Variants in COL11A1 observed in about 807,000 individuals in gnomAD.
COL11A1 encodes collagen type XI alpha 1 chain.
COL11A1 carries 74 observed loss-of-function variants against 265.2 expected under a neutral mutation model. The observed-to-expected ratio is 0.28, with a 90% CI of 0.23 to 0.34. The LOEUF is 0.34. COL11A1 is among the 10% of genes least tolerant of loss of function. The pLI, the probability that COL11A1 is intolerant of heterozygous loss-of-function variation, is 1.00. For missense variants in COL11A1, 2,165 were observed against 2,263.6 expected (o/e 0.96, Z 0.88); for synonymous variants, 816 against 727.6 (o/e 1.12, Z -1.96).
Position 103,074,799 on chromosome 1 carries a change from T to C in COL11A1, c.489-19A>G, listed in dbSNP as rs765295260. 3.7e-6 allele frequency: 6 copies of C among 1,612,548 alleles called. No homozygotes were observed. The South Asian group carries it at 5.5e-5, about 15-fold the overall frequency. The stretch of plus-strand genomic sequence containing the variant: ...ATGCCACCTAAAAAAGACAAGTAAT[T>C]CTTTTGTAAGCTTCAAAGAAACAGT... On this transcript the variant is annotated intron_variant, in intron 3 of 66. Coordinates refer to ENST00000370096, the MANE Select transcript of COL11A1 (RefSeq NM_001854.4).
At chr1:103,079,099 CAAT>C (rs1292522911) in intron 2 of COL11A1, among the ~76,000 whole-genome samples, 1 of 152,072 alleles carries the variant, frequency 6.6e-6, no homozygotes, top group Non-Finnish European at 1.5e-5. Context: ...ACTTAAAGCA[CAAT>C]GTTTATGTGA....
At chr1:103,023,859 G>A (rs1571071671) in intron 7 of COL11A1, among the ~76,000 whole-genome samples, 1 of 151,872 alleles carries the variant, frequency 6.6e-6, no homozygotes, top group African/African-American at 2.4e-5. Context: ...GTTCTTTAAA[G>A]CAAATAAAAT....
intron 4 of COL11A1, among the ~76,000 whole-genome samples, chr1:103,034,749 A>C (rs1476018846): frequency 6.8e-6 from 1 of 147,106 alleles, no homozygotes; most frequent in Non-Finnish European, 1.5e-5. Flanking sequence ...ATGGCACTTA[A>C]TTTTCATTTT....
chr1:103,005,714 G>A (rs1004383860), intron 18 of COL11A1, 124 bp downstream of exon 18: 22 of 1,086,052 alleles, frequency 2.0e-5, no homozygotes, highest in Non-Finnish European at 2.9e-5. Flanking sequence ...GTATCTATTA[G>A]ATTATTAAGT....
At chr1:103,101,045 C>T (rs988919630) in intron 1 of COL11A1, among the ~76,000 whole-genome samples, 11 of 151,790 alleles carry the variant, frequency 7.2e-5, no homozygotes, top group South Asian at 2.1e-4. Flanking sequence ...ACTTAAATTT[C>T]GAAGTATAAA....
chr1:102,891,429 G>T (rs972586103), intron 57 of COL11A1, among the ~76,000 whole-genome samples: 1 of 151,478 alleles, frequency 6.6e-6, no homozygotes, highest in Non-Finnish European at 1.5e-5. Flanking sequence ...ATAATTTAAC[G>T]TTTTTAATAG....
intron 13 of COL11A1, among the ~76,000 whole-genome samples, 182 bp downstream of exon 13, chr1:103,014,329 T>C (rs575867672): frequency 6.0e-4 from 91 of 152,278 alleles, no homozygotes; most frequent in African/African-American, 2.0e-3. Flanking sequence ...ACTATAATTT[T>C]CAATTAATAA....
At chr1:102,926,957 C>T (rs545278247) in intron 46 of COL11A1, among the ~76,000 whole-genome samples, 2 of 152,018 alleles carry the variant, frequency 1.3e-5, no homozygotes, top group South Asian at 4.2e-4. Flanking sequence ...TTGCACTCTC[C>T]AAGTTTAAAA....
In COL11A1 at chr1:102,998,347, G is replaced by C; in HGVS notation, c.2159C>G (p.Pro720Arg). The C allele has an allele frequency of 6.2e-7, 1 of 1,603,308 alleles. No individual in the cohort carries two copies. Residue 720 changes from proline (P) to arginine (R), a missense_variant, in exon 25 of 67, where the codon CCA (proline) becomes CGA (arginine). Physicochemically the swap from Pro to Arg is moderately radical, Grantham distance 103 (BLOSUM62 -2). Transcript: ENST00000370096. The stretch of plus-strand genomic sequence containing the variant: ...AGCACCAGGAAGTCCAGCAAGTCCT[G>C]GTTTTCCTTGTGGTCCCTTATAGAG... ...PPGEKGPQGK[P>R]GLAGLPGADG...
chr1:103,013,446 G>T (rs539697248), intron 13 of COL11A1, among the ~76,000 whole-genome samples: 4 of 151,646 alleles, frequency 2.6e-5, no homozygotes, highest in Non-Finnish European at 4.4e-5. Flanking sequence ...CCTTAAAATC[G>T]TTCAAAAGAA....
chr1:103,001,450 G>C, intron 24 of COL11A1: 1 of 412,064 alleles, frequency 2.4e-6, no homozygotes, highest in Non-Finnish European at 4.3e-6. Flanking sequence ...TTTAATTATA[G>C]ATTTATTCTT....
chr1:102,926,137 T>C (rs1408730742), intron 46 of COL11A1, among the ~76,000 whole-genome samples: 1 of 152,138 alleles, frequency 6.6e-6, no homozygotes, highest in Non-Finnish European at 1.5e-5. Flanking sequence ...AAAATTATTA[T>C]TATTACAATT....
At chr1:103,077,016 A>G (rs1455017924) in intron 3 of COL11A1, among the ~76,000 whole-genome samples, 2 of 152,114 alleles carry the variant, frequency 1.3e-5, no homozygotes, top group Non-Finnish European at 2.9e-5. Flanking sequence ...AACTGTCTCA[A>G]GTAAAAGTAT....
chr1:102,990,424 T>C (rs773745984), intron 28 of COL11A1, among the ~76,000 whole-genome samples: 56 of 152,044 alleles, frequency 3.7e-4, no homozygotes, highest in South Asian at 6.2e-4. Flanking sequence ...AAATTAATTA[T>C]ATAAAATAGG....
At chr1:102,886,499 A>G (rs972878906) in intron 63 of COL11A1, among the ~76,000 whole-genome samples, 5 of 152,292 alleles carry the variant, frequency 3.3e-5, no homozygotes, top group Admixed American at 6.5e-5. Context: ...TACAATATAC[A>G]CATGTGTGTA....
chr1:103,092,634 A>T (rs1401916702), intron 1 of COL11A1, among the ~76,000 whole-genome samples: 1 of 152,122 alleles, frequency 6.6e-6, no homozygotes, highest in East Asian at 1.9e-4. Context: ...TATTGTGGTG[A>T]ACCCAAATGT....
At chr1:103,077,755 C>G (rs1672087530) in intron 3 of COL11A1, among the ~76,000 whole-genome samples, 1 of 152,046 alleles carries the variant, frequency 6.6e-6, no homozygotes, top group Admixed American at 6.6e-5. Flanking sequence ...AGGAAACAAC[C>G]ACAATACATA....
intron 29 of COL11A1, among the ~76,000 whole-genome samples, chr1:102,988,155 C>T (rs549589962): frequency 1.3e-5 from 2 of 152,174 alleles, no homozygotes; most frequent in South Asian, 2.1e-4. Context: ...TCTTTTCAGA[C>T]TTTTGCATTT....
chr1:103,003,144 C>T lies in COL11A1; in HGVS notation c.1998+71G>A, dbSNP rs556561063. ...TAAACTCTTGGCTCTCTACTGAGGG[C>T]TTTTATGGCCTCTAAAAGGTTGGCA... On this transcript the variant is annotated intron_variant, in intron 21 of 66. Coordinates refer to ENST00000370096, the MANE Select transcript of COL11A1 (RefSeq NM_001854.4). 5.3e-6 allele frequency: 8 copies of T among 1,512,080 alleles called. No individual in the cohort carries two copies. The African/African-American group carries it at 5.5e-5, about 10-fold the overall frequency. The allele number at this position is 1,512,080 out of a possible 1,614,324, so 93.7% of individuals were successfully genotyped here.
Sources: gnomAD v4.1 joint callset for allele counts (sites outside exome capture counted in the v4.1 genomes callset) on GRCh38, gnomAD v4.1.1 for gene constraint, MANE v1.5 for transcripts, NCBI Gene and HGNC (gene_info 2026-07-23, HGNC 2026-07-21) for gene names.